Variants in IGSF5 observed in about 807,000 individuals in gnomAD.
The protein encoded by IGSF5 is immunoglobulin superfamily 5 like.
Under a neutral mutation model 39.4 loss-of-function variants are expected in IGSF5, and 41 were observed. That is an observed-to-expected ratio of 1.04 (90% confidence interval 0.81 to 1.35). The LOEUF is 1.35. Among genes scored for constraint, IGSF5 ranks in the 40% most tolerant of loss-of-function variants. The pLI, the probability that IGSF5 is intolerant of heterozygous loss-of-function variation, is 0.00. For synonymous variants in IGSF5, 183 were observed against 175.3 expected, an observed-to-expected ratio of 1.04 and a Z score of -0.34; for missense variants, 487 against 494.6, an observed-to-expected ratio of 0.98 and a Z score of 0.15.
At chr21:39,718,984 T>G in the IGSF5 span, among the ~76,000 whole-genome samples, 11 of 152,158 alleles carry the variant, frequency 7.2e-5, no homozygotes, top group Non-Finnish European at 1.2e-4. Context: ...ATCCTGGGCT[T>G]TTTTTGATTA....
intron 4 of IGSF5, 67 bp from the exon 5 acceptor site, chr21:39,779,023 T>G: frequency 6.4e-7 from 1 of 1,561,124 alleles, no homozygotes; most frequent in Non-Finnish European, 8.7e-7. Context: ...ATGCAACTTA[T>G]AATGGGGCAG....
chr21:39,727,690 G>A, the IGSF5 span: 1 of 152,346 alleles, frequency 6.6e-6, no homozygotes, highest in South Asian at 2.1e-4. Flanking sequence ...TCTCTTTGGA[G>A]TCATTTGGAG....
chr21:39,801,419 C>A lies in IGSF5; in HGVS notation c.*62C>A. Reference sequence around the variant, plus strand: ...ACAATTCAAAACACGGCGATGGCATCCTTCCTTTCCATCCTAAGACTGGCC... The same window carrying A: ...ACAATTCAAAACACGGCGATGGCATACTTCCTTTCCATCCTAAGACTGGCC... On this transcript the variant is annotated 3_prime_UTR_variant, in exon 9 of 9. Coordinates refer to ENST00000380588, the MANE Select transcript of IGSF5 (RefSeq NM_001080444.2). The A allele has an allele frequency of 8.3e-7, 1 of 1,210,396 alleles. No homozygotes were observed. Among genetic ancestry groups the A allele is most frequent in the Non-Finnish European group, 1.2e-6 (1 of 821,548 alleles). The allele number at this position is 1,210,396 out of a possible 1,614,324, so 75.0% of individuals were successfully genotyped here.
chr21:39,754,908 G>A (rs1318768406), intron 2 of IGSF5, among the ~76,000 whole-genome samples: 1 of 152,150 alleles, frequency 6.6e-6, no homozygotes, highest in Non-Finnish European at 1.5e-5. Flanking sequence ...ATCTGTAGCA[G>A]CCTCACTGCT....
At chr21:39,772,547 T>C (rs2080120559) in intron 4 of IGSF5, among the ~76,000 whole-genome samples, 1 of 152,206 alleles carries the variant, frequency 6.6e-6, no homozygotes, top group African/African-American at 2.4e-5. Context: ...CCCTTGTTCC[T>C]TGTGGTTGCT....
At chr21:39,752,934 C>T (rs117647833) in intron 2 of IGSF5, among the ~76,000 whole-genome samples, 1,576 of 152,186 alleles carry the variant, frequency 0.01, 10 homozygotes, top group Non-Finnish European at 0.018. Context: ...CAAATATTTC[C>T]CCCCACTCTG....
At position 39,745,525 on chromosome 21, in the gene IGSF5, A is replaced by G. The variant is rs368695436; in HGVS notation, c.16A>G (p.Arg6Gly). MGQKERSTADTLPDLE... is the reference protein window; with the variant it reads MGQKEGSTADTLPDLE... ...CCCAGGAGGTATGGGTCAGAAGGAA[A>G]GGTAAGGGCGCATGCGTGGGCGACT... Residue 6 changes from arginine to glycine, a missense_variant and splice_region_variant, in exon 1 of 9, where the codon AGG becomes GGG. Transcript: ENST00000380588. 1.4e-6 allele frequency: 1 copy of G among 717,116 alleles called. No homozygotes were observed. The highest frequency in any genetic ancestry group is 2.6e-6 in the Non-Finnish European group (1 of 384,800). 44.4% of individuals were successfully genotyped at this position (717,116 alleles called of 1,614,324 possible). A position where few individuals can be genotyped will look rare whatever the true frequency, so the allele number is the denominator to read the frequency against.
At chr21:39,739,316 C>T in the IGSF5 span, among the ~76,000 whole-genome samples, 1 of 151,456 alleles carries the variant, frequency 6.6e-6, no homozygotes. Flanking sequence ...AGCTCCCATA[C>T]AAAAGGAGGA....
chr21:39,744,218 G>A (rs2079960936), upstream of IGSF5, among the ~76,000 whole-genome samples: 1 of 152,284 alleles, frequency 6.6e-6, no homozygotes, highest in South Asian at 2.1e-4. Flanking sequence ...TTACCAGCGT[G>A]CCCAACATTG....
At chr21:39,792,674 A>G (rs2086972385) in intron 7 of IGSF5, among the ~76,000 whole-genome samples, 1 of 152,156 alleles carries the variant, frequency 6.6e-6, no homozygotes, top group Admixed American at 6.5e-5. Flanking sequence ...CCTTGAATGT[A>G]ACAGGGAGTT....
At chr21:39,764,183 C>T (rs140286593) in intron 2 of IGSF5, among the ~76,000 whole-genome samples, 173 of 152,238 alleles carry the variant, frequency 1.1e-3, no homozygotes, top group Non-Finnish European at 2.0e-3. Flanking sequence ...TTCCTGGTGG[C>T]GGCTTACTCC....
the IGSF5 span, among the ~76,000 whole-genome samples, chr21:39,732,228 A>G: frequency 2.0e-5 from 3 of 152,346 alleles, no homozygotes; most frequent in East Asian, 5.8e-4. Flanking sequence ...TGCAAAATAA[A>G]TGGTTGTTCT....
At chr21:39,734,966 C>T in the IGSF5 span, among the ~76,000 whole-genome samples, 15 of 151,936 alleles carry the variant, frequency 9.9e-5, no homozygotes, top group African/African-American at 1.5e-4. Context: ...TGGGTTCAAG[C>T]GATTCTCCTG....
intron 3 of IGSF5, 93 bp downstream of exon 3, chr21:39,765,945 G>C: frequency 1.7e-6 from 2 of 1,149,112 alleles, no homozygotes; most frequent in Non-Finnish European, 2.5e-6. Context: ...GATGGCAGAC[G>C]TGGTCTACCT....
intron 4 of IGSF5, among the ~76,000 whole-genome samples, chr21:39,773,949 T>G (rs974629201): frequency 1.3e-5 from 2 of 152,154 alleles, no homozygotes; most frequent in Admixed American, 6.5e-5. Context: ...TTTTCTTTTG[T>G]AGTGGAAGGG....
chr21:39,748,803 TCA>T (rs1411165939), intron 2 of IGSF5, among the ~76,000 whole-genome samples: 5 of 102,576 alleles, frequency 4.9e-5, no homozygotes, highest in Non-Finnish European at 1.0e-4. Flanking sequence ...GTGGTTGTGG[TCA>T]ACTGAAGTTC....
chr21:39,738,559 G>A, the IGSF5 span, among the ~76,000 whole-genome samples: 5,599 of 152,200 alleles, frequency 0.037, 346 homozygotes, highest in African/African-American at 0.13. This position sits in a 1 kb window ranked among gnomAD's most constrained non-coding sequence, Gnocchi z 6.4. Flanking sequence ...TTTTATGTGC[G>A]TGGAGGCCTT....
chr21:39,765,527 C>T lies in IGSF5; in HGVS notation c.101-8C>T, dbSNP rs1364589484. On this transcript the variant is annotated splice_region_variant and splice_polypyrimidine_tract_variant and intron_variant, in intron 2 of 8. Coordinates refer to ENST00000380588, the MANE Select transcript of IGSF5 (RefSeq NM_001080444.2). Reference sequence around the variant, plus strand: ...ATTTAACAACTTGAAAAATTGGCTACCTTCCAGGTTCTGGGTCTGGTAATG... The same window carrying T: ...ATTTAACAACTTGAAAAATTGGCTATCTTCCAGGTTCTGGGTCTGGTAATG... 1.9e-6 allele frequency: 3 copies of T among 1,605,236 alleles called. No individual in the cohort carries two copies. The highest frequency in any genetic ancestry group is 2.6e-6 in the Non-Finnish European group (3 of 1,174,356).
chr21:39,758,328 T>G (rs1164451121), intron 2 of IGSF5, among the ~76,000 whole-genome samples: 1 of 152,138 alleles, frequency 6.6e-6, no homozygotes, highest in Non-Finnish European at 1.5e-5. Context: ...GAACGGTCCT[T>G]CAGGTGCAGG....
Sources: allele counts gnomAD v4.1 joint callset (sites outside exome capture counted in the v4.1 genomes callset), GRCh38; gene constraint gnomAD v4.1.1; non-coding constraint Gnocchi (gnomAD v3.1); transcripts MANE v1.5; gene names NCBI Gene and HGNC (gene_info 2026-07-23, HGNC 2026-07-21).